Variants in SUGCT observed in about 807,000 individuals in gnomAD.
SUGCT encodes succinyl-CoA:glutarate CoA-transferase.
In SUGCT, 41 loss-of-function variants were observed where a neutral mutation model predicts 55.0. The observed-to-expected ratio is 0.74, with a 90% CI of 0.58 to 0.97. The LOEUF is 0.97. Ranked by LOEUF, SUGCT falls within the 50% of genes least tolerant of loss-of-function variation. The pLI is 0.00. For synonymous variants in SUGCT, 187 were observed against 200.4 expected, an observed-to-expected ratio of 0.93 and a Z score of 0.56; for missense variants, 568 against 547.8, an observed-to-expected ratio of 1.04 and a Z score of -0.37.
chr7:40,383,236 A>C (rs1277262860), intron 9 of SUGCT, among the ~76,000 whole-genome samples: 1 of 152,142 alleles, frequency 6.6e-6, no homozygotes. Flanking sequence ...TACACACTAC[A>C]TCTATGTATT....
At chr7:40,204,740 A>C (rs1267023828) in intron 6 of SUGCT, among the ~76,000 whole-genome samples, 1 of 151,376 alleles carries the variant, frequency 6.6e-6, no homozygotes, top group Non-Finnish European at 1.5e-5. Flanking sequence ...AGCCGGCGTG[A>C]CATAGTGAGA....
chr7:40,944,481 T>A, the SUGCT span, among the ~76,000 whole-genome samples: 1 of 151,922 alleles, frequency 6.6e-6, no homozygotes, highest in African/African-American at 2.4e-5. Context: ...AGGGATCCAG[T>A]TTCAGCTTTC....
At chr7:40,522,617 G>A (rs1164819893) in intron 12 of SUGCT, among the ~76,000 whole-genome samples, 2 of 152,052 alleles carry the variant, frequency 1.3e-5, no homozygotes, top group East Asian at 1.9e-4. Context: ...AAAAAATTTT[G>A]TAGGAAATAT....
rs561696427 is a variant in SUGCT at position 40,365,902 on chromosome 7, G to A, written c.816+49047G>A. ...TACCAACGACTTTCTTCACAGAATTGGAAAAAACTACTTTAAAATTCATAT... is the reference window on the plus strand; with the variant it reads ...TACCAACGACTTTCTTCACAGAATTAGAAAAAACTACTTTAAAATTCATAT... On this transcript the variant is annotated intron_variant, in intron 9 of 13. Transcript: ENST00000335693. Among the ~76,000 whole-genome samples the A allele has an allele frequency of 7.9e-5, 12 of 152,192 alleles. No individual in the cohort carries two copies. The South Asian group carries it at 2.3e-3, about 29-fold the overall frequency.
chr7:40,333,749 G>A (rs1164538028), intron 9 of SUGCT, among the ~76,000 whole-genome samples: 2 of 80,192 alleles, frequency 2.5e-5, no homozygotes, highest in Non-Finnish European at 4.3e-5. Flanking sequence ...TGACAGCATC[G>A]ACCAGTGGCT....
intron 11 of SUGCT, among the ~76,000 whole-genome samples, chr7:40,473,041 TAA>T (rs1790480543): frequency 6.6e-6 from 1 of 152,196 alleles, no homozygotes; most frequent in Admixed American, 6.5e-5. Context: ...AAGGAAAGTA[TAA>T]ACTCAGTAAG....
At chr7:40,647,247 T>C (rs191979440) in intron 12 of SUGCT, among the ~76,000 whole-genome samples, 43 of 152,378 alleles carry the variant, frequency 2.8e-4, no homozygotes, top group Admixed American at 1.1e-3. Context: ...CTTACCTGTG[T>C]ATTTGGTAGG....
the SUGCT span, among the ~76,000 whole-genome samples, chr7:41,007,145 A>G: frequency 6.6e-6 from 1 of 152,172 alleles, no homozygotes; most frequent in Non-Finnish European, 1.5e-5. Context: ...TTATTTTAAA[A>G]ATATATTTTA....
intron 12 of SUGCT, among the ~76,000 whole-genome samples, chr7:40,688,523 T>C (rs1367825509): frequency 6.6e-6 from 1 of 152,150 alleles, no homozygotes; most frequent in Non-Finnish European, 1.5e-5. Flanking sequence ...GAATTACAGA[T>C]TTGTCATCAG....
intron 12 of SUGCT, among the ~76,000 whole-genome samples, chr7:40,598,250 C>G (rs1383823630): frequency 1.3e-5 from 2 of 152,180 alleles, no homozygotes; most frequent in African/African-American, 4.8e-5. Flanking sequence ...TGGAACCATG[C>G]CTTTCTCTTG....
chr7:40,645,545 T>G (rs1469910260), intron 12 of SUGCT, among the ~76,000 whole-genome samples: 1 of 152,218 alleles, frequency 6.6e-6, no homozygotes, highest in East Asian at 1.9e-4. Flanking sequence ...CCTGAAGCAC[T>G]GTGGATTCAT....
intron 13 of SUGCT, among the ~76,000 whole-genome samples, chr7:40,809,090 G>T (rs1261472999): frequency 6.6e-6 from 1 of 152,106 alleles, no homozygotes; most frequent in African/African-American, 2.4e-5. Flanking sequence ...CATGGATTTT[G>T]CAAATTAACA....
chr7:40,709,029 C>T (rs1040949612), intron 12 of SUGCT, among the ~76,000 whole-genome samples: 2 of 152,210 alleles, frequency 1.3e-5, no homozygotes, highest in African/African-American at 2.4e-5. Context: ...AACATGAGTA[C>T]TTGCCTCTCT....
intron 1 of SUGCT, among the ~76,000 whole-genome samples, chr7:40,163,062 G>A (rs1428722651): frequency 6.6e-6 from 1 of 152,132 alleles, no homozygotes; most frequent in Admixed American, 6.5e-5. Context: ...GAGGCCTGGA[G>A]GATTTCATGG....
At chr7:40,446,978 T>C (rs754597754) in intron 9 of SUGCT, among the ~76,000 whole-genome samples, 2 of 152,212 alleles carry the variant, frequency 1.3e-5, no homozygotes, top group African/African-American at 4.8e-5. Context: ...ATGTACCATA[T>C]AATTCACCCA....
chr7:40,289,505 C>A (rs1793588332), intron 8 of SUGCT, among the ~76,000 whole-genome samples: 1 of 151,994 alleles, frequency 6.6e-6, no homozygotes, highest in Non-Finnish European at 1.5e-5. Context: ...GGACGTATCT[C>A]AAAATAATAA....
intron 12 of SUGCT, among the ~76,000 whole-genome samples, chr7:40,520,582 A>G (rs1562834002): frequency 6.6e-6 from 1 of 152,116 alleles, no homozygotes; most frequent in Non-Finnish European, 1.5e-5. Flanking sequence ...AGGTTGTAGC[A>G]CTCTGTACAA....
chr7:40,654,509 T>C (rs1378362719), intron 12 of SUGCT, among the ~76,000 whole-genome samples: 2 of 152,232 alleles, frequency 1.3e-5, no homozygotes, highest in Non-Finnish European at 2.9e-5. Flanking sequence ...CTTTTTATTA[T>C]TCACATAGCT....
chr7:40,234,879 G>A (rs1004516230), intron 6 of SUGCT, among the ~76,000 whole-genome samples: 4 of 151,550 alleles, frequency 2.6e-5, no homozygotes, highest in Non-Finnish European at 5.9e-5. Context: ...ACTGCGCTCC[G>A]GTCTGGGTGA....
Sources: gnomAD v4.1 joint callset for allele counts (sites outside exome capture counted in the v4.1 genomes callset) on GRCh38, gnomAD v4.1.1 for gene constraint, MANE v1.5 for transcripts, NCBI Gene and HGNC (gene_info 2026-07-23, HGNC 2026-07-21) for gene names.